Variants in EPN2 observed in about 807,000 individuals in gnomAD.
EPN2 encodes epsin 2.
A neutral mutation model predicts 61.7 loss-of-function variants in EPN2; 34 were observed. The ratio of observed to expected loss-of-function variants is 0.55; its 90% CI spans 0.42 to 0.73. EPN2 has a LOEUF of 0.73. Ranked by LOEUF, EPN2 falls within the 30% of genes least tolerant of loss-of-function variation. The pLI, the probability that EPN2 is intolerant of heterozygous loss-of-function variation, is 0.00. For synonymous variants in EPN2, 349 were observed against 353.6 expected, an observed-to-expected ratio of 0.99 and a Z score of 0.15; for missense variants, 714 against 839.2, an observed-to-expected ratio of 0.85 and a Z score of 1.84.
chr17:19,307,383 T>G (rs1216613487), intron 4 of EPN2, among the ~76,000 whole-genome samples: 1 of 152,114 alleles, frequency 6.6e-6, no homozygotes, highest in East Asian at 1.9e-4. Context: ...CGATCTCAGC[T>G]CACTGCAAGC....
chr17:19,312,276 G>T, intron 6 of EPN2, 132 bp downstream of exon 6: 1 of 670,390 alleles, frequency 1.5e-6, no homozygotes, highest in South Asian at 1.7e-5. Flanking sequence ...CTTCATGCCT[G>T]TAGTGAGCGA....
chr17:19,322,740 TAAA>T (rs59626137), intron 7 of EPN2, among the ~76,000 whole-genome samples: 1,443 of 102,702 alleles, frequency 0.014, 20 homozygotes, highest in African/African-American at 0.047. Flanking sequence ...AACCTGTCTC[TAAA>T]AAAAAAAAAA....
At chr17:19,308,037 T>G in intron 4 of EPN2, 1 of 983,954 alleles carries the variant, frequency 1.0e-6, no homozygotes, top group Non-Finnish European at 1.2e-6. Context: ...CTAAAATAGA[T>G]GTAATGAAAG....
intron 5 of EPN2, 128 bp from the exon 6 acceptor site, chr17:19,311,924 C>G (rs934424924): frequency 1.4e-6 from 1 of 711,642 alleles, no homozygotes; most frequent in Non-Finnish European, 2.5e-6. Flanking sequence ...TTGTGTTTTA[C>G]AAGTAGTTTT....
chr17:19,288,084 G>T (rs2045423339), intron 4 of EPN2, among the ~76,000 whole-genome samples: 1 of 152,218 alleles, frequency 6.6e-6, no homozygotes, highest in African/African-American at 2.4e-5. Context: ...GCCAGGCCCT[G>T]CAGGGCCATC....
chr17:19,294,739 C>T (rs2045498037), intron 4 of EPN2, among the ~76,000 whole-genome samples: 1 of 152,172 alleles, frequency 6.6e-6, no homozygotes, highest in Admixed American at 6.6e-5. Flanking sequence ...TGTCCCAAAT[C>T]CTGGGCCACA....
In EPN2 at chr17:19,285,743, A is replaced by C. The variant is rs1355904952; in HGVS notation, c.719A>C (p.Asn240Thr). 6.2e-7 allele frequency: 1 copy of C among 1,608,748 alleles called. No individual in the cohort carries two copies. The highest frequency in any genetic ancestry group is 8.5e-7 in the Non-Finnish European group (1 of 1,178,674). The change falls in exon 4 of 11, where the codon AAT becomes ACT. Residue 240 changes from asparagine (N) to threonine (T), a missense_variant. Physicochemically the swap from Asn to Thr is moderately conservative, Grantham distance 65 (BLOSUM62 0). Transcript: ENST00000314728. This position sits in a 1 kb window ranked among gnomAD's most constrained non-coding sequence, Gnocchi z 4.5. ...CACCTGGGGCTGGCCTCCCGCCCAAATGGCGACTGGTCCCAGCCCTGCCTC... is the reference window on the plus strand; with the variant it reads ...CACCTGGGGCTGGCCTCCCGCCCAACTGGCGACTGGTCCCAGCCCTGCCTC... ...LPHLGLASRP[N>T]GDWSQPCLTC...
chr17:19,296,795 G>T (rs1002752462), intron 4 of EPN2: 6 of 152,238 alleles, frequency 3.9e-5, no homozygotes, highest in South Asian at 2.0e-4. Flanking sequence ...TTTTAGTAGA[G>T]ACGAGGTCTT....
Position 19,335,174 on chromosome 17 carries a change from T to A in EPN2, c.*920T>A, listed in dbSNP as rs918923297. 1.2e-4 allele frequency: 41 copies of A among 345,688 alleles called. No individual in the cohort carries two copies. The highest frequency in any genetic ancestry group is 7.6e-4 in the Middle Eastern group (1 of 1,308). 21.4% of individuals were successfully genotyped at this position (345,688 alleles called of 1,614,324 possible). On this transcript the variant is annotated 3_prime_UTR_variant, in exon 11 of 11. Transcript: ENST00000314728. ...TTACACATAGATGATGATGTTTATT[T>A]AAAAAAAAAACAACAGCAACAAAAA...
intron 4 of EPN2, among the ~76,000 whole-genome samples, chr17:19,289,371 A>G (rs1246647175): frequency 1.3e-5 from 2 of 152,020 alleles, no homozygotes; most frequent in African/African-American, 2.4e-5. Context: ...GGTGTGAGCC[A>G]CCGCACCTGG....
In EPN2 at chr17:19,335,546, C is replaced by A; in HGVS notation, c.*1292C>A. 6.8e-7 allele frequency: 1 copy of A among 1,464,308 alleles called. No individual in the cohort carries two copies. Among genetic ancestry groups the A allele is most frequent in the African/African-American group, 1.4e-5 (1 of 71,304 alleles). The allele number at this position is 1,464,308 out of a possible 1,614,324, so 90.7% of individuals were successfully genotyped here. On this transcript the variant is annotated 3_prime_UTR_variant, in exon 11 of 11. Transcript: ENST00000314728. ...GGGATAATGTGGAAATGGCAGTTGT[C>A]CCGAGGGCGTGGGGTGGGGGGTGCT...
intron 4 of EPN2, among the ~76,000 whole-genome samples, chr17:19,286,127 A>G (rs1056036869): frequency 6.6e-6 from 1 of 152,224 alleles, no homozygotes; most frequent in Middle Eastern, 3.2e-3. Context: ...AGGCCCACCC[A>G]TGGTGGTGGG....
In EPN2 at chr17:19,283,603, G is replaced by T. The variant is rs1397094032; in HGVS notation, c.484G>T (p.Gly162Cys). The T allele has an allele frequency of 5.0e-6, 8 of 1,614,162 alleles. No homozygotes were observed. The highest frequency in any genetic ancestry group is 6.8e-6 in the Non-Finnish European group (8 of 1,180,040). ...CATGGCCCAGGTTGCCACTGGCATG[G>T]GCAGCAACCAGATCACCTTTGGGCG... ...ERMAQVATGMGSNQITFGRGS... is the reference protein window; with the variant it reads ...ERMAQVATGMCSNQITFGRGS... The change falls in exon 3 of 11, where the codon GGC becomes TGC. Residue 162 changes from glycine (G) to cysteine (C), a missense_variant. Transcript: ENST00000314728. The surrounding 1 kb of genome is among the most constrained non-coding windows in gnomAD (Gnocchi z 7.0).
intron 7 of EPN2, among the ~76,000 whole-genome samples, chr17:19,317,727 G>A (rs1906454092): frequency 6.6e-6 from 1 of 152,212 alleles, no homozygotes; most frequent in East Asian, 1.9e-4. Context: ...GATTGGGTAT[G>A]TGGCATGGCC....
intron 4 of EPN2, among the ~76,000 whole-genome samples, chr17:19,303,150 A>AAAT: frequency 6.6e-6 from 1 of 152,200 alleles, no homozygotes; most frequent in East Asian, 1.9e-4. Context: ...ATGCTGAAAT[A>AAAT]TTTAAGAATA....
At chr17:19,260,151 G>A (rs561743489) in intron 1 of EPN2, among the ~76,000 whole-genome samples, 1 of 152,340 alleles carries the variant, frequency 6.6e-6, no homozygotes, top group Non-Finnish European at 1.5e-5. Context: ...CAGAAGCTGA[G>A]GAAGGACTTG....
At chr17:19,308,517 AGGGAGAG>A in intron 4 of EPN2, 1 of 985,402 alleles carries the variant, frequency 1.0e-6, no homozygotes, top group Non-Finnish European at 1.2e-6. Flanking sequence ...GAGTGCTACA[AGGGAGAG>A]GTGCAGAGGT....
rs150128127 is a variant in EPN2 at position 19,309,322 on chromosome 17, C to T, written c.767-563C>T. Among the ~76,000 whole-genome samples, 1,131 of 151,986 alleles carry T rather than the reference C, an allele frequency of 7.4e-3. 20 individuals carry two copies. Among genetic ancestry groups the T allele is most frequent in the African/African-American group, 0.026 (1,081 of 41,448 alleles). The stretch of plus-strand genomic sequence containing the variant: ...ATTTTTGTATTTTTAGTAGAGATGG[C>T]GTTTCACCATGTTGGCCAGGATGGT... On this transcript the variant is annotated intron_variant, in intron 4 of 10. Coordinates refer to ENST00000314728, the MANE Select transcript of EPN2 (RefSeq NM_014964.5).
chr17:19,324,675 A>G (rs999531537), intron 7 of EPN2, among the ~76,000 whole-genome samples: 4 of 152,238 alleles, frequency 2.6e-5, no homozygotes, highest in East Asian at 3.8e-4. Flanking sequence ...CAACTGAAGC[A>G]ATAGTAAAAT....
Sources: gnomAD v4.1 joint callset for allele counts (sites outside exome capture counted in the v4.1 genomes callset) on GRCh38, gnomAD v4.1.1 for gene constraint, Gnocchi (gnomAD v3.1) non-coding constraint, MANE v1.5 for transcripts, NCBI Gene and HGNC (gene_info 2026-07-23, HGNC 2026-07-21) for gene names.